Variants in TM9SF3 observed in about 807,000 individuals in gnomAD.
TM9SF3 encodes transmembrane 9 superfamily member 3, also known as SM-11044-binding protein.
In TM9SF3, 14 loss-of-function variants were observed where a neutral mutation model predicts 78.6. That is an observed-to-expected ratio of 0.18 (90% CI 0.12 to 0.28). The LOEUF is 0.28. Ranked by LOEUF, TM9SF3 falls within the 10% of genes least tolerant of loss-of-function variation. The pLI, the probability that TM9SF3 is intolerant of heterozygous loss-of-function variation, is 1.00. For missense variants in TM9SF3, 496 were observed against 721.9 expected, an observed-to-expected ratio of 0.69 and a Z score of 3.59; for synonymous variants, 231 against 241.7, an observed-to-expected ratio of 0.96 and a Z score of 0.41.
intron 2 of TM9SF3, among the ~76,000 whole-genome samples, chr10:96,568,533 A>G (rs951451112): frequency 7.9e-5 from 12 of 152,370 alleles, no homozygotes; most frequent in Admixed American, 2.6e-4. Context: ...TCAGTTCCCA[A>G]TAAAACTCCA....
intron 7 of TM9SF3, among the ~76,000 whole-genome samples, chr10:96,550,509 T>A (rs1007322427): frequency 1.3e-5 from 2 of 152,210 alleles, no homozygotes; most frequent in African/African-American, 4.8e-5. Flanking sequence ...GGACTTCATA[T>A]GGCCGCACCT....
intron 6 of TM9SF3, among the ~76,000 whole-genome samples, 200 bp from the exon 7 acceptor site, chr10:96,551,611 T>C (rs1344827322): frequency 2.0e-5 from 3 of 152,212 alleles, no homozygotes; most frequent in Non-Finnish European, 4.4e-5. Flanking sequence ...GTTCAGGAAG[T>C]TGACTTCTGG....
chr10:96,582,095 T>C (rs1418119736), intron 1 of TM9SF3, among the ~76,000 whole-genome samples: 1 of 151,812 alleles, frequency 6.6e-6, no homozygotes, highest in Non-Finnish European at 1.5e-5. Context: ...AGTGCTTGCG[T>C]ATATAACAGA....
intron 3 of TM9SF3, 70 bp from the exon 4 acceptor site, chr10:96,562,208 C>A: frequency 3.5e-6 from 4 of 1,132,286 alleles, no homozygotes; most frequent in Non-Finnish European, 4.9e-6. Flanking sequence ...AAGCTAAATG[C>A]TCATTAAGTT....
intron 8 of TM9SF3, among the ~76,000 whole-genome samples, chr10:96,545,724 T>C (rs573632972): frequency 3.5e-4 from 54 of 152,172 alleles, no homozygotes; most frequent in African/African-American, 9.4e-4. Flanking sequence ...ACTCCATCTC[T>C]ACTAAAAATA....
Position 96,586,719 on chromosome 10 carries a change from G to T in TM9SF3, c.102+15C>A, listed in dbSNP as rs555545689. On this transcript the variant is annotated intron_variant, in intron 1 of 14. Coordinates refer to ENST00000371142, the MANE Select transcript of TM9SF3 (RefSeq NM_020123.4). ...GAGCTAGCCCGGGGCGGCCGCGCCG[G>T]CCGGGGCGCCTCACCGTGTGTTCGT... The T allele has an allele frequency of 5.8e-4, 715 of 1,223,730 alleles. 6 individuals are homozygous for T. In the African/African-American group the frequency reaches 9.9e-3, roughly 17 times the overall value. The allele number at this position is 1,223,730 out of a possible 1,614,324, so 75.8% of individuals were successfully genotyped here.
chr10:96,580,224 G>A (rs7087748), intron 1 of TM9SF3, among the ~76,000 whole-genome samples: 2 of 152,028 alleles, frequency 1.3e-5, no homozygotes, highest in African/African-American at 2.4e-5. Context: ...TGGCCAAAAC[G>A]GTTTATGATA....
intron 14 of TM9SF3, among the ~76,000 whole-genome samples, chr10:96,524,296 T>C (rs1299404058): frequency 2.0e-5 from 3 of 151,912 alleles, no homozygotes; most frequent in African/African-American, 7.2e-5. Context: ...ATATTGATAA[T>C]GCATTTTAGA....
intron 5 of TM9SF3, among the ~76,000 whole-genome samples, chr10:96,556,632 A>G (rs1848237308): frequency 6.6e-6 from 1 of 152,066 alleles, no homozygotes; most frequent in South Asian, 2.1e-4. Flanking sequence ...ATCAGCATAT[A>G]AAGTTAATGT....
intron 9 of TM9SF3, among the ~76,000 whole-genome samples, chr10:96,539,959 T>C (rs1201939623): frequency 6.6e-6 from 1 of 152,210 alleles, no homozygotes; most frequent in Non-Finnish European, 1.5e-5. Flanking sequence ...TGCGTTCTTC[T>C]GAAAACCAGA....
intron 13 of TM9SF3, 57 bp downstream of exon 13, chr10:96,527,356 T>A: frequency 6.3e-7 from 1 of 1,585,848 alleles, no homozygotes; most frequent in Non-Finnish European, 8.6e-7. Flanking sequence ...TAAATATTAG[T>A]ATTTAAAGGA....
At chr10:96,552,457 T>C (rs1395719480) in intron 6 of TM9SF3, among the ~76,000 whole-genome samples, 3 of 152,190 alleles carry the variant, frequency 2.0e-5, no homozygotes, top group Non-Finnish European at 4.4e-5. Context: ...ATTTATTTAA[T>C]GATACAGTAT....
chr10:96,557,483 C>T (rs1389005853), intron 5 of TM9SF3, among the ~76,000 whole-genome samples: 2 of 152,212 alleles, frequency 1.3e-5, no homozygotes, highest in Non-Finnish European at 2.9e-5. Flanking sequence ...CCTGAACCCA[C>T]ATAATAATTT....
At chr10:96,580,703 C>T (rs1848557248) in intron 1 of TM9SF3, among the ~76,000 whole-genome samples, 1 of 152,104 alleles carries the variant, frequency 6.6e-6, no homozygotes, top group South Asian at 2.1e-4. Flanking sequence ...CTCACCAAAC[C>T]CTAACATGAC....
rs1407517129 is a variant in TM9SF3, at chr10:96,565,517, T to A, written c.299-91A>T. On this transcript the variant is annotated intron_variant, in intron 2 of 14. Coordinates refer to ENST00000371142, the MANE Select transcript of TM9SF3 (RefSeq NM_020123.4). Reference sequence around the variant, plus strand: ...AGACAAGAAAAAAGCCAACATTTCCTACAGTTAAAATTTCTATTCACAATA... The same window carrying A: ...AGACAAGAAAAAAGCCAACATTTCCAACAGTTAAAATTTCTATTCACAATA... The A allele has an allele frequency of 7.8e-6, 11 of 1,416,504 alleles. No homozygotes were observed. In the East Asian group the frequency reaches 2.9e-4, roughly 37 times the overall value. 87.7% of individuals were successfully genotyped at this position (1,416,504 alleles called of 1,614,324 possible).
In TM9SF3 at chr10:96,547,931, C is replaced by T. The variant is rs1848121470; in HGVS notation, c.1018G>A (p.Gly340Ser). ...FVYAATSPVN[G>S]YFGGSLYARQ... ...GCATACAGACTTCCTCCAAAATAAC[C>T]ATTCACTGGAGACGTAGCAGCATAG... Residue 340 changes from glycine to serine, a missense_variant, in exon 8 of 15, where the codon GGT (glycine) becomes AGT (serine). This residue lies in a region of TM9SF3 where 280 missense variants were observed against 422.6 expected (regional missense o/e 0.66). Coordinates refer to ENST00000371142, the MANE Select transcript of TM9SF3 (RefSeq NM_020123.4). 1.9e-6 allele frequency: 3 copies of T among 1,613,488 alleles called. No individual in the cohort carries two copies. Among genetic ancestry groups the T allele is most frequent in the Non-Finnish European group, 2.5e-6 (3 of 1,179,838 alleles).
intron 1 of TM9SF3, 98 bp from the exon 2 acceptor site, chr10:96,576,927 T>C (rs1848503839): frequency 4.4e-6 from 4 of 906,728 alleles, no homozygotes. Flanking sequence ...GTGCATCATC[T>C]CTGTTCAGGA....
At chr10:96,586,601 C>T in intron 1 of TM9SF3, 133 bp downstream of exon 1, 1 of 716,012 alleles carries the variant, frequency 1.4e-6, no homozygotes. Flanking sequence ...CTCCGCCAGG[C>T]CCAACCGGAA....
intron 8 of TM9SF3, 28 bp from the exon 9 acceptor site, chr10:96,544,234 T>A: frequency 6.5e-7 from 1 of 1,531,020 alleles, no homozygotes; most frequent in Non-Finnish European, 8.8e-7. Context: ...TATGAAAGTT[T>A]AATATAATTA....
Sources: gnomAD v4.1 joint callset for allele counts (sites outside exome capture counted in the v4.1 genomes callset) on GRCh38, gnomAD v4.1.1 for gene constraint, gnomAD v4.1.1 regional missense constraint, MANE v1.5 for transcripts, NCBI Gene and HGNC (gene_info 2026-07-23, HGNC 2026-07-21) for gene names.